The following DNAJC1 variants were observed in gnomAD, a reference collection of about 807,000 sequenced individuals.
DNAJC1 encodes dnaJ homolog subfamily C member 1.
In DNAJC1, 58 loss-of-function variants were observed where a neutral mutation model predicts 76.6. The observed-to-expected ratio is 0.76, with a 90% CI of 0.61 to 0.94. DNAJC1 has a LOEUF of 0.94. Ranked by LOEUF, DNAJC1 falls within the 40% of genes least tolerant of loss-of-function variation. DNAJC1 has a pLI of 0.00. For synonymous variants in DNAJC1, 258 were observed against 267.9 expected (o/e 0.96, Z 0.36); for missense variants, 689 against 677.3 (o/e 1.02, Z -0.19).
intron 1 of DNAJC1, among the ~76,000 whole-genome samples, chr10:21,976,496 T>C (rs930302110): frequency 6.6e-6 from 1 of 152,212 alleles, no homozygotes; most frequent in African/African-American, 2.4e-5. Flanking sequence ...TGAAATTACA[T>C]GCCACATCTT....
At chr10:21,829,614 A>G (rs1260695137) in intron 8 of DNAJC1, among the ~76,000 whole-genome samples, 1 of 152,202 alleles carries the variant, frequency 6.6e-6, no homozygotes, top group Non-Finnish European at 1.5e-5. Context: ...GGCCTCCCCA[A>G]GTGCTGGGAT....
chr10:21,759,340 G>A lies in DNAJC1; in HGVS notation c.1426C>T (p.Gln476Ter), dbSNP rs1283480330. ...KRQKDFDIAE[Q>*]NESSDEESLR... ...CTCTCCTCGTCGCTGGACTCGTTTT[G>A]TTCTGCTATGTCAAAGTCCTTCTGC... Residue 476 changes from glutamine (Q) to a stop codon, truncating the protein, a stop_gained, in exon 11 of 12, where the codon CAA becomes TAA. Transcript: ENST00000376980. LOFTEE classifies it high-confidence loss of function. The A allele has an allele frequency of 6.2e-7, 1 of 1,614,092 alleles. No homozygotes were observed. The highest frequency in any genetic ancestry group is 8.5e-7 in the Non-Finnish European group (1 of 1,180,044).
intron 9 of DNAJC1, among the ~76,000 whole-genome samples, chr10:21,784,613 T>C (rs1267317471): frequency 2.0e-5 from 3 of 152,130 alleles, no homozygotes; most frequent in Non-Finnish European, 4.4e-5. Flanking sequence ...ATGTTTATTG[T>C]GGCACTATTC....
chr10:21,995,306 A>G (rs1049191687), intron 1 of DNAJC1, among the ~76,000 whole-genome samples: 1 of 152,188 alleles, frequency 6.6e-6, no homozygotes, highest in Non-Finnish European at 1.5e-5. Context: ...AATGGCAACA[A>G]TGATCTTTTT....
chr10:21,761,722 T>C (rs1477997773), intron 10 of DNAJC1, among the ~76,000 whole-genome samples: 6 of 152,284 alleles, frequency 3.9e-5, no homozygotes, highest in African/African-American at 1.4e-4. Flanking sequence ...CCTATGTAGC[T>C]GCATTAGCCT....
intron 1 of DNAJC1, among the ~76,000 whole-genome samples, chr10:21,992,325 A>G (rs575363512): frequency 6.6e-6 from 1 of 152,266 alleles, no homozygotes; most frequent in Admixed American, 6.5e-5. Context: ...AATAATAGTA[A>G]TTTTTGAAAA....
intron 7 of DNAJC1, among the ~76,000 whole-genome samples, chr10:21,895,344 T>C (rs954445408): frequency 2.6e-5 from 4 of 152,206 alleles, no homozygotes; most frequent in Admixed American, 6.5e-5. Context: ...AGCAGTTTAT[T>C]GGAAACTGGA....
At chr10:21,792,112 G>A (rs970342390) in intron 9 of DNAJC1, among the ~76,000 whole-genome samples, 3 of 152,062 alleles carry the variant, frequency 2.0e-5, no homozygotes, top group Non-Finnish European at 2.9e-5. Flanking sequence ...GAGCACAACC[G>A]CTGATGTGAA....
At chr10:21,875,182 GAA>G (rs1229389791) in intron 8 of DNAJC1, among the ~76,000 whole-genome samples, 1 of 151,898 alleles carries the variant, frequency 6.6e-6, no homozygotes. Context: ...CGCCCAGCGA[GAA>G]AAGTTTTTTT....
At chr10:21,784,998 T>G (rs1834586155) in intron 9 of DNAJC1, among the ~76,000 whole-genome samples, 1 of 152,088 alleles carries the variant, frequency 6.6e-6, no homozygotes, top group South Asian at 2.1e-4. Context: ...CATGGACACA[T>G]ATGTAACAAA....
At chr10:21,889,702 A>T (rs1261281938) in intron 7 of DNAJC1, among the ~76,000 whole-genome samples, 3 of 152,202 alleles carry the variant, frequency 2.0e-5, no homozygotes, top group African/African-American at 7.2e-5. Context: ...CTAGCAACCC[A>T]GAAACACTAA....
chr10:21,996,374 C>G (rs1838415428), intron 1 of DNAJC1, among the ~76,000 whole-genome samples: 2 of 152,166 alleles, frequency 1.3e-5, no homozygotes, highest in African/African-American at 4.8e-5. Context: ...TTTTATCAAA[C>G]AACTTTTATT....
At chr10:21,793,376 C>A (rs972901404) in intron 9 of DNAJC1, among the ~76,000 whole-genome samples, 7 of 152,154 alleles carry the variant, frequency 4.6e-5, no homozygotes, top group African/African-American at 1.7e-4. Flanking sequence ...TGGTGAAAGA[C>A]TGAATGTCTT....
intron 10 of DNAJC1, among the ~76,000 whole-genome samples, chr10:21,761,248 G>A (rs1834236792): frequency 6.6e-6 from 1 of 151,910 alleles, no homozygotes; most frequent in Non-Finnish European, 1.5e-5. Flanking sequence ...CTTTATAGTA[G>A]GCTTTTATTT....
intron 1 of DNAJC1, among the ~76,000 whole-genome samples, chr10:21,957,018 A>C (rs1486599553): frequency 6.6e-6 from 1 of 151,552 alleles, no homozygotes; most frequent in African/African-American, 2.4e-5. Context: ...CAGCCCCCCA[A>C]GGAACTGGGA....
intron 1 of DNAJC1, among the ~76,000 whole-genome samples, chr10:21,942,486 T>C (rs943938800): frequency 2.0e-5 from 3 of 152,140 alleles, no homozygotes; most frequent in Non-Finnish European, 4.4e-5. Context: ...GAGGTGTTTA[T>C]GTTTACAAAT....
chr10:21,798,252 A>G (rs1834771414), intron 9 of DNAJC1, among the ~76,000 whole-genome samples: 1 of 152,222 alleles, frequency 6.6e-6, no homozygotes, highest in Non-Finnish European at 1.5e-5. Flanking sequence ...GACAACTGAA[A>G]TAGCCTCTTA....
intron 1 of DNAJC1, among the ~76,000 whole-genome samples, chr10:21,989,266 C>A (rs1397358164): frequency 6.6e-6 from 1 of 151,988 alleles, no homozygotes; most frequent in Non-Finnish European, 1.5e-5. Flanking sequence ...AAAAATGTTC[C>A]AACATGAAAA....
intron 10 of DNAJC1, among the ~76,000 whole-genome samples, chr10:21,762,169 C>T (rs546214929): frequency 6.6e-6 from 1 of 152,178 alleles, no homozygotes; most frequent in Non-Finnish European, 1.5e-5. Context: ...AATCTCTTGA[C>T]CTCGTGATCT....
Sources: gnomAD v4.1 joint callset for allele counts (sites outside exome capture counted in the v4.1 genomes callset) on GRCh38, gnomAD v4.1.1 for gene constraint, MANE v1.5 for transcripts, NCBI Gene and HGNC (gene_info 2026-07-23, HGNC 2026-07-21) for gene names.